Variants in ARHGAP10 observed in about 807,000 individuals in gnomAD.
ARHGAP10 encodes Rho GTPase activating protein 10.
In ARHGAP10, 87 loss-of-function variants were observed where a neutral mutation model predicts 108.6. The ratio of observed to expected loss-of-function variants is 0.80; its 90% confidence interval spans 0.67 to 0.96. The LOEUF (loss-of-function observed/expected upper bound fraction) is 0.96. Ranked by LOEUF, ARHGAP10 falls within the 40% of genes least tolerant of loss-of-function variation. ARHGAP10 has a pLI of 0.00. For synonymous variants in ARHGAP10, 347 were observed against 341.1 expected (o/e 1.02, Z -0.19); for missense variants, 939 against 954.5 (o/e 0.98, Z 0.21).
chr4:147,970,736 A>G (rs1739372876), intron 18 of ARHGAP10, among the ~76,000 whole-genome samples: 2 of 152,202 alleles, frequency 1.3e-5, no homozygotes, highest in South Asian at 4.1e-4. Flanking sequence ...CTGTTTTTAT[A>G]AATCTGTGTA....
At chr4:147,910,061 G>T (rs763454694) in intron 12 of ARHGAP10, among the ~76,000 whole-genome samples, 1 of 152,012 alleles carries the variant, frequency 6.6e-6, no homozygotes, top group Non-Finnish European at 1.5e-5. Flanking sequence ...AGGCTGCAGT[G>T]CAGTGGCATG....
At chr4:147,773,534 A>C (rs961421463) in intron 1 of ARHGAP10, among the ~76,000 whole-genome samples, 1 of 152,220 alleles carries the variant, frequency 6.6e-6, no homozygotes, top group East Asian at 1.9e-4. Flanking sequence ...CTCGATGTAC[A>C]CTTAAATATT....
intron 20 of ARHGAP10, among the ~76,000 whole-genome samples, chr4:148,047,987 T>G (rs1728962054): frequency 6.6e-6 from 1 of 152,242 alleles, no homozygotes; most frequent in South Asian, 2.1e-4. Context: ...CACAGCCAGC[T>G]AATTTTTATA....
intron 18 of ARHGAP10, among the ~76,000 whole-genome samples, chr4:148,017,680 A>ATACATATATATATATATATATATGAG (rs1553971543): frequency 7.1e-6 from 1 of 141,438 alleles, no homozygotes; most frequent in East Asian, 2.0e-4. Context: ...ATATATATAT[A>ATACATATATATATATATATATATGAG]TATGTGTGTG....
chr4:147,796,671 G>A (rs538792896), intron 1 of ARHGAP10, among the ~76,000 whole-genome samples: 35 of 152,122 alleles, frequency 2.3e-4, no homozygotes, highest in African/African-American at 7.7e-4. Flanking sequence ...GATCACAGGC[G>A]CCTGCCACCA....
intron 19 of ARHGAP10, among the ~76,000 whole-genome samples, chr4:148,046,431 C>T (rs1728887056): frequency 1.3e-5 from 2 of 152,174 alleles, no homozygotes; most frequent in African/African-American, 4.8e-5. Flanking sequence ...GATACCAGCT[C>T]AGTAAGACAA....
At chr4:148,063,416 A>G in intron 21 of ARHGAP10, 116 bp downstream of exon 21, 8 of 1,374,042 alleles carry the variant, frequency 5.8e-6, no homozygotes, top group Non-Finnish European at 8.0e-6. Flanking sequence ...TACCCCCAGC[A>G]TCCTGGACTT....
intron 20 of ARHGAP10, among the ~76,000 whole-genome samples, chr4:148,051,855 T>G (rs1729152886): frequency 6.6e-6 from 1 of 152,236 alleles, no homozygotes; most frequent in African/African-American, 2.4e-5. Context: ...ATACTTTGTG[T>G]GCACTCACTG....
intron 18 of ARHGAP10, among the ~76,000 whole-genome samples, chr4:148,003,537 G>A (rs931237159): frequency 2.0e-5 from 3 of 152,190 alleles, no homozygotes; most frequent in African/African-American, 7.2e-5. Context: ...TTATTATTGT[G>A]TGGGAGTCTA....
intron 18 of ARHGAP10, among the ~76,000 whole-genome samples, chr4:148,006,181 G>A (rs1020928545): frequency 1.3e-5 from 2 of 152,146 alleles, no homozygotes; most frequent in African/African-American, 4.8e-5. Flanking sequence ...AGCCACCCTG[G>A]GCCTGCCAAG....
At chr4:147,952,520 C>G (rs1255476968) in intron 15 of ARHGAP10, among the ~76,000 whole-genome samples, 4 of 152,046 alleles carry the variant, frequency 2.6e-5, no homozygotes, top group African/African-American at 9.7e-5. Flanking sequence ...TAATGTTGAA[C>G]TTTTTTCCAT....
chr4:147,857,491 A>G (rs1004525565), intron 4 of ARHGAP10, 62 bp from the exon 5 acceptor site: 2 of 1,341,344 alleles, frequency 1.5e-6, no homozygotes, highest in African/African-American at 1.5e-5. Flanking sequence ...TGAGCTTCCC[A>G]GTGGATTAAC....
At chr4:147,877,910 A>G (rs976940710) in intron 8 of ARHGAP10, among the ~76,000 whole-genome samples, 7 of 147,666 alleles carry the variant, frequency 4.7e-5, no homozygotes, top group African/African-American at 1.6e-4. Flanking sequence ...CTTACTGATT[A>G]CAGTAATGTT....
Position 147,739,829 on chromosome 4 carries a change from A to G in ARHGAP10, c.154+7374A>G, listed in dbSNP as rs539945611. ...TGGTTCACTGCAACCTCCGCCTCCC[A>G]GGTTCAAGCGATTCTCCCGCCTCAG... On this transcript the variant is annotated intron_variant, in intron 1 of 22. Coordinates refer to ENST00000336498, the MANE Select transcript of ARHGAP10 (RefSeq NM_024605.4). Among the ~76,000 whole-genome samples, 18 of 148,824 alleles carry G rather than the reference A, an allele frequency of 1.2e-4. No individual in the cohort carries two copies. The South Asian group carries it at 3.8e-3, about 32-fold the overall frequency.
At chr4:147,837,977 G>C (rs1265307030) in intron 3 of ARHGAP10, among the ~76,000 whole-genome samples, 1 of 152,076 alleles carries the variant, frequency 6.6e-6, no homozygotes, top group Non-Finnish European at 1.5e-5. Context: ...ATGTACATCT[G>C]CTAGATAATC....
intron 8 of ARHGAP10, among the ~76,000 whole-genome samples, chr4:147,877,228 T>G (rs1422168633): frequency 2.0e-5 from 3 of 147,436 alleles, no homozygotes; most frequent in South Asian, 4.4e-4. Flanking sequence ...TGGGCAGTTT[T>G]TTTTTTCTTA....
At chr4:147,894,685 G>T (rs960118516) in intron 10 of ARHGAP10, among the ~76,000 whole-genome samples, 1 of 152,164 alleles carries the variant, frequency 6.6e-6, no homozygotes, top group Non-Finnish European at 1.5e-5. Flanking sequence ...GACTCATGAA[G>T]ATTTTTGGGG....
At chr4:147,877,107 C>T (rs1365370129) in intron 8 of ARHGAP10, among the ~76,000 whole-genome samples, 1 of 152,114 alleles carries the variant, frequency 6.6e-6, no homozygotes, top group Non-Finnish European at 1.5e-5. Context: ...AGTGGAAAGA[C>T]CTTGATATTT....
In ARHGAP10 at chr4:147,848,147, A is replaced by G. The variant is rs78294755; in HGVS notation, c.384+925A>G. On this transcript the variant is annotated intron_variant, in intron 4 of 22. Coordinates refer to ENST00000336498, the MANE Select transcript of ARHGAP10 (RefSeq NM_024605.4). ...GACTAAAATCCCTTGGTGGAAATAA[A>G]CACTGTGGCCTCAGTAGCTTAACCA... Among the ~76,000 whole-genome samples, 491 of 152,178 alleles carry G rather than the reference A, an allele frequency of 3.2e-3. 24 individuals carry two copies. In the East Asian group the frequency reaches 0.089, roughly 27 times the overall value.
Sources: gnomAD v4.1 joint callset for allele counts (sites outside exome capture counted in the v4.1 genomes callset) on GRCh38, gnomAD v4.1.1 for gene constraint, MANE v1.5 for transcripts, NCBI Gene and HGNC (gene_info 2026-07-23, HGNC 2026-07-21) for gene names.